Variants in PARP15 observed in about 807,000 individuals in gnomAD.
PARP15 encodes protein mono-ADP-ribosyltransferase PARP15.
In PARP15, 50 loss-of-function variants were observed where a neutral mutation model predicts 62.1. The ratio of observed to expected loss-of-function variants is 0.81; its 90% CI spans 0.64 to 1.02. The LOEUF (loss-of-function observed/expected upper bound fraction) is 1.02, where lower values mean the gene tolerates loss of function less well. PARP15 is among the 50% of genes least tolerant of loss of function. PARP15 has a pLI of 0.00. For synonymous variants in PARP15, 309 were observed against 293.1 expected, an observed-to-expected ratio of 1.05 and a Z score of -0.55; for missense variants, 820 against 826.5, an observed-to-expected ratio of 0.99 and a Z score of 0.10.
At chr3:122,603,373 T>A (rs1934944631) in intron 1 of PARP15, among the ~76,000 whole-genome samples, 1 of 152,072 alleles carries the variant, frequency 6.6e-6, no homozygotes, top group South Asian at 2.1e-4. Context: ...AAAATCAGTG[T>A]CATCAAGACC....
rs990740210 is a variant in PARP15, at chr3:122,637,021, A to G, written c.*921A>G. On this transcript the variant is annotated 3_prime_UTR_variant, in exon 12 of 12. Coordinates refer to ENST00000464300, the MANE Select transcript of PARP15 (RefSeq NM_001113523.3). ...CTACCAAATCTTTATGTTTGAAGTC[A>G]TGCACCATCTTTTCCACGAGTATCC... The G allele has an allele frequency of 1.3e-5, 2 of 152,242 alleles. No individual in the cohort carries two copies. The highest frequency in any genetic ancestry group is 2.9e-5 in the Non-Finnish European group (2 of 68,114). 9.4% of individuals were successfully genotyped at this position (152,242 alleles called of 1,614,324 possible).
chr3:122,615,993 T>C (rs952396840), intron 5 of PARP15, 136 bp downstream of exon 5: 3 of 800,312 alleles, frequency 3.7e-6, no homozygotes, highest in Non-Finnish European at 6.1e-6. Context: ...TGTTAGAGCA[T>C]GTCCCATTGT....
chr3:122,583,947 C>T (rs150427636), intron 1 of PARP15, among the ~76,000 whole-genome samples: 1 of 152,296 alleles, frequency 6.6e-6, no homozygotes, highest in African/African-American at 2.4e-5. Context: ...CTCCTCAACT[C>T]AGTGAGGCTT....
At chr3:122,582,557 C>A (rs1042756525) in intron 1 of PARP15, among the ~76,000 whole-genome samples, 3 of 152,196 alleles carry the variant, frequency 2.0e-5, no homozygotes, top group African/African-American at 7.2e-5. Context: ...TGGAAGTCTG[C>A]TGTCATTCTT....
chr3:122,626,334 G>C (rs937861556), intron 8 of PARP15, among the ~76,000 whole-genome samples: 9 of 151,922 alleles, frequency 5.9e-5, no homozygotes, highest in African/African-American at 2.2e-4. Flanking sequence ...GAGTAGCTGG[G>C]ACTACAGGTG....
At chr3:122,608,502 C>A (rs1159998943) in intron 2 of PARP15, among the ~76,000 whole-genome samples, 1 of 152,108 alleles carries the variant, frequency 6.6e-6, no homozygotes, top group Non-Finnish European at 1.5e-5. Flanking sequence ...AGGCATGAGC[C>A]ACCACACCCG....
chr3:122,624,335 A>G (rs1286986976), intron 8 of PARP15, among the ~76,000 whole-genome samples: 1 of 152,176 alleles, frequency 6.6e-6, no homozygotes, highest in Non-Finnish European at 1.5e-5. Flanking sequence ...AAGCTCATGT[A>G]TTCCTCACAG....
At chr3:122,604,145 G>A (rs777222874) in intron 1 of PARP15, among the ~76,000 whole-genome samples, 2 of 152,236 alleles carry the variant, frequency 1.3e-5, no homozygotes, top group Non-Finnish European at 1.5e-5. Context: ...TGAACTGGGT[G>A]TCAAGAGACC....
chr3:122,606,540 T>G (rs529926874), intron 2 of PARP15, among the ~76,000 whole-genome samples: 4 of 152,160 alleles, frequency 2.6e-5, no homozygotes, highest in African/African-American at 2.4e-5. Context: ...ACCCCTCCTC[T>G]CCTACTGTTT....
intron 4 of PARP15, chr3:122,615,474 G>C: frequency 8.2e-7 from 1 of 1,220,334 alleles, no homozygotes; most frequent in East Asian, 4.0e-5. Context: ...TTCAAAAGAG[G>C]AGGGATAACG....
At chr3:122,597,840 C>T (rs764366446) in intron 1 of PARP15, among the ~76,000 whole-genome samples, 2 of 152,118 alleles carry the variant, frequency 1.3e-5, no homozygotes, top group Non-Finnish European at 2.9e-5. Context: ...CCTCAAGTCC[C>T]TTATGTAAAA....
chr3:122,629,579 G>T (rs1459049389), intron 9 of PARP15, among the ~76,000 whole-genome samples: 3 of 152,134 alleles, frequency 2.0e-5, no homozygotes, highest in Non-Finnish European at 4.4e-5. Context: ...ATTTTCCACG[G>T]ACTGGGTTAT....
intron 1 of PARP15, among the ~76,000 whole-genome samples, chr3:122,580,708 A>G (rs568249754): frequency 5.7e-4 from 87 of 152,310 alleles, no homozygotes; most frequent in African/African-American, 1.9e-3. Context: ...AAGGCTGAAT[A>G]ATATTTTATA....
At chr3:122,581,963 T>C (rs1932987341) in intron 1 of PARP15, among the ~76,000 whole-genome samples, 1 of 152,188 alleles carries the variant, frequency 6.6e-6, no homozygotes, top group African/African-American at 2.4e-5. Context: ...TTTCTTAAGA[T>C]AGTTTTGGTT....
chr3:122,604,327 G>A (rs1935011605), intron 1 of PARP15, among the ~76,000 whole-genome samples: 1 of 152,194 alleles, frequency 6.6e-6, no homozygotes, highest in Admixed American at 6.5e-5. Context: ...AACTTCAAAT[G>A]CATTATTATG....
chr3:122,582,116 G>C (rs1932997278), intron 1 of PARP15, among the ~76,000 whole-genome samples: 1 of 151,292 alleles, frequency 6.6e-6, no homozygotes, highest in African/African-American at 2.4e-5. Flanking sequence ...CTGGTGATGA[G>C]TTCTTTCAGC....
intron 1 of PARP15, among the ~76,000 whole-genome samples, chr3:122,601,038 T>TTTTTTTTTTG (rs1553729051): frequency 2.4e-5 from 3 of 127,268 alleles, no homozygotes; most frequent in Admixed American, 7.6e-5. Flanking sequence ...CTTTTATGGT[T>TTTTTTTTTTG]TTTTTTTTTT....
At position 122,577,959 on chromosome 3, in the gene PARP15, A is replaced by G. The variant is rs1257991937; in HGVS notation, c.186+106A>G. On this transcript the variant is annotated intron_variant, in intron 1 of 11. Coordinates refer to ENST00000464300, the MANE Select transcript of PARP15 (RefSeq NM_001113523.3). ...GCGCAGAGACCCCACGCCACGCACA[A>G]CCCTCTCTTCTAGGGGGCGCCGACT... 14 of 1,249,940 alleles carry G rather than the reference A, an allele frequency of 1.1e-5. No homozygotes were observed. The Admixed American group carries it at 4.3e-4, about 39-fold the overall frequency. The allele number at this position is 1,249,940 out of a possible 1,614,324, so 77.4% of individuals were successfully genotyped here. A position where few individuals can be genotyped will look rare whatever the true frequency, so the allele number is the denominator to read the frequency against.
intron 1 of PARP15, among the ~76,000 whole-genome samples, chr3:122,604,056 A>G (rs1396147369): frequency 6.6e-6 from 1 of 152,222 alleles, no homozygotes; most frequent in Non-Finnish European, 1.5e-5. Context: ...TGCAAGAGGG[A>G]TAACATGTAC....
Sources: allele counts gnomAD v4.1 joint callset (sites outside exome capture counted in the v4.1 genomes callset), GRCh38; gene constraint gnomAD v4.1.1; transcripts MANE v1.5; gene names NCBI Gene and HGNC (gene_info 2026-07-23, HGNC 2026-07-21).